ACAD9: variants seen among roughly 807,000 people sequenced by gnomAD.
The protein encoded by ACAD9 is acyl-CoA dehydrogenase family member 9.
Under a neutral mutation model 70.2 loss-of-function variants are expected in ACAD9, and 53 were observed. That is an observed-to-expected ratio of 0.75 (90% CI 0.61 to 0.95). ACAD9 has a LOEUF of 0.95. Ranked by LOEUF, ACAD9 falls within the 40% of genes least tolerant of loss-of-function variation. The pLI, the probability that ACAD9 is intolerant of heterozygous loss-of-function variation, is 0.00. For synonymous variants in ACAD9, 313 were observed against 312.1 expected, an observed-to-expected ratio of 1.00 and a Z score of -0.03; for missense variants, 777 against 802.8, an observed-to-expected ratio of 0.97 and a Z score of 0.39.
At chr3:128,899,917 AG>A (rs1935687143) in intron 7 of ACAD9, among the ~76,000 whole-genome samples, 1 of 152,178 alleles carries the variant, frequency 6.6e-6, no homozygotes, top group Admixed American at 6.5e-5. Flanking sequence ...TAAGGGGCCA[AG>A]CCAAGCCATA....
intron 1 of ACAD9, among the ~76,000 whole-genome samples, chr3:128,883,256 G>T (rs1935145833): frequency 1.3e-5 from 2 of 151,754 alleles, no homozygotes; most frequent in Non-Finnish European, 2.9e-5. Context: ...CGCCCAGGCT[G>T]GTTTTGAACT....
Position 128,884,834 on chromosome 3 carries a change from A to G in ACAD9, c.244+88A>G. ...TATTAGAAGTGACATACATAGGAGA[A>G]GTCTTCTTGAGGGAGAAATGGTTTC... On this transcript the variant is annotated intron_variant, in intron 2 of 17. Coordinates refer to ENST00000308982, the MANE Select transcript of ACAD9 (RefSeq NM_014049.5). The G allele has an allele frequency of 2.9e-6, 3 of 1,020,796 alleles. No individual in the cohort carries two copies. In the Admixed American group the frequency reaches 5.2e-5, roughly 18 times the overall value. The allele number at this position is 1,020,796 out of a possible 1,614,324, so 63.2% of individuals were successfully genotyped here.
chr3:128,884,721 C>G lies in ACAD9; in HGVS notation c.219C>G (p.Pro73=), dbSNP rs745405919. 1.2e-6 allele frequency: 2 copies of G among 1,613,416 alleles called. No homozygotes were observed. The highest frequency in any genetic ancestry group is 1.7e-6 in the Non-Finnish European group (2 of 1,179,772). The change falls in exon 2 of 18, where the codon CCC becomes CCG. Residue 73 remains proline (P), a synonymous_variant. Transcript: ENST00000308982. ...ELNEINQFLG[P]VEKFFTEEVD... ...ATGAAATCAATCAGTTCTTGGGACC[C>G]GTGGAAAAATTCTTCACTGAAGAGG...
At chr3:128,883,356 T>A (rs980299555) in intron 1 of ACAD9, among the ~76,000 whole-genome samples, 2 of 151,996 alleles carry the variant, frequency 1.3e-5, no homozygotes, top group Non-Finnish European at 2.9e-5. Flanking sequence ...CTTGTTTTTT[T>A]CTTTTTCTTT....
At chr3:128,907,486 T>C (rs765318222) in intron 12 of ACAD9, among the ~76,000 whole-genome samples, 39 of 152,184 alleles carry the variant, frequency 2.6e-4, no homozygotes, top group Non-Finnish European at 5.0e-4. Flanking sequence ...AGCTCCTGTC[T>C]GGAGCCTGCT....
chr3:128,884,955 A>T (rs1935205019), intron 2 of ACAD9, among the ~76,000 whole-genome samples: 2 of 152,250 alleles, frequency 1.3e-5, no homozygotes, highest in Admixed American at 1.3e-4. Flanking sequence ...GTTCAGGAGC[A>T]CTTTAAACAT....
chr3:128,887,615 A>G (rs990479676), intron 2 of ACAD9, among the ~76,000 whole-genome samples: 1 of 126,070 alleles, frequency 7.9e-6, no homozygotes, highest in African/African-American at 3.5e-5. Flanking sequence ...TCTCAAAAAA[A>G]AATAAAAATA....
chr3:128,881,370 G>A (rs945984731), intron 1 of ACAD9, among the ~76,000 whole-genome samples: 1 of 152,166 alleles, frequency 6.6e-6, no homozygotes, highest in African/African-American at 2.4e-5. Flanking sequence ...ATTCCACTGG[G>A]AAAATCCATG....
intron 13 of ACAD9, chr3:128,908,654 A>AG (rs1226830660): frequency 3.7e-6 from 2 of 534,056 alleles, no homozygotes; most frequent in African/African-American, 3.8e-5. Context: ...CCCCCACCCT[A>AG]GGGGCACAGT....
chr3:128,890,026 A>G (rs1047405163), intron 2 of ACAD9, among the ~76,000 whole-genome samples: 1 of 151,882 alleles, frequency 6.6e-6, no homozygotes, highest in African/African-American at 2.4e-5. Flanking sequence ...GGTTCTCACT[A>G]TGTTATTCAG....
chr3:128,910,926 CCT>C, intron 17 of ACAD9, 113 bp downstream of exon 17: 1 of 1,321,820 alleles, frequency 7.6e-7, no homozygotes, highest in Non-Finnish European at 1.1e-6. Flanking sequence ...TACTCACAGA[CCT>C]CTGCCTTGAG....
At chr3:128,882,201 C>G (rs1935114390) in intron 1 of ACAD9, among the ~76,000 whole-genome samples, 1 of 152,082 alleles carries the variant, frequency 6.6e-6, no homozygotes, top group South Asian at 2.1e-4. Context: ...TTTAATCTAC[C>G]TTTGTACTCA....
chr3:128,899,524 GT>G (rs1935676608), intron 7 of ACAD9, 63 bp downstream of exon 7: 182 of 329,156 alleles, frequency 5.5e-4, no homozygotes, highest in African/African-American at 1.8e-3. Context: ...GCCTTTGACG[GT>G]GTGTGTGTGT....
At chr3:128,881,645 G>T (rs1935097889) in intron 1 of ACAD9, among the ~76,000 whole-genome samples, 1 of 152,134 alleles carries the variant, frequency 6.6e-6, no homozygotes, top group African/African-American at 2.4e-5. Context: ...TTATCAAATT[G>T]TGTGATCTGT....
At chr3:128,881,715 C>T (rs1935099542) in intron 1 of ACAD9, among the ~76,000 whole-genome samples, 1 of 152,198 alleles carries the variant, frequency 6.6e-6, no homozygotes, top group African/African-American at 2.4e-5. Flanking sequence ...TCCTTCCACC[C>T]TGTTGACGCA....
intron 10 of ACAD9, 99 bp downstream of exon 10, chr3:128,904,231 G>A (rs1249255141): frequency 6.3e-7 from 1 of 1,578,168 alleles, no homozygotes; most frequent in Non-Finnish European, 8.7e-7. Context: ...TGGTGATTTG[G>A]GAAGAAGACT....
intron 1 of ACAD9, 36 bp downstream of exon 1, chr3:128,879,877 C>T: frequency 6.2e-7 from 1 of 1,613,662 alleles, no homozygotes; most frequent in Non-Finnish European, 8.5e-7. Context: ...TGCTGTCTGG[C>T]TCCCGCTTTT....
Position 128,907,474 on chromosome 3 carries a change from A to G in ACAD9, c.1279-711A>G, listed in dbSNP as rs566721558. The stretch of plus-strand genomic sequence containing the variant: ...AACACAGGGCTCTCGATGTAGGGTG[A>G]GAGCTCCTGTCTGGAGCCTGCTCGG... On this transcript the variant is annotated intron_variant, in intron 12 of 17. Transcript: ENST00000308982. Among the ~76,000 whole-genome samples, 3 of 152,276 alleles carry G rather than the reference A, an allele frequency of 2.0e-5. No homozygotes were observed. The East Asian group carries it at 5.8e-4, about 29-fold the overall frequency.
Position 128,884,702 on chromosome 3 carries a change from T to C in ACAD9, c.200T>C (p.Ile67Thr), listed in dbSNP as rs1400553630. The C allele has an allele frequency of 1.9e-6, 3 of 1,613,180 alleles. No homozygotes were observed. Among genetic ancestry groups the C allele is most frequent in the African/African-American group, 2.7e-5 (2 of 74,928 alleles). Residue 67 changes from isoleucine (I) to threonine (T), a missense_variant, in exon 2 of 18, where the codon ATC becomes ACC. By Grantham distance (89) the Ile-to-Thr change is moderately conservative. Coordinates refer to ENST00000308982, the MANE Select transcript of ACAD9 (RefSeq NM_014049.5). ...PEVSQDELNE[I>T]NQFLGPVEKF... ...GTTAGCCAAGATGAACTTAATGAAATCAATCAGTTCTTGGGACCCGTGGAA... is the reference window on the plus strand; with the variant it reads ...GTTAGCCAAGATGAACTTAATGAAACCAATCAGTTCTTGGGACCCGTGGAA...
Sources: allele counts gnomAD v4.1 joint callset (sites outside exome capture counted in the v4.1 genomes callset), GRCh38; gene constraint gnomAD v4.1.1; transcripts MANE v1.5; gene names NCBI Gene and HGNC (gene_info 2026-07-23, HGNC 2026-07-21).